Variants in GRM8 observed in about 807,000 individuals in gnomAD.
The protein encoded by GRM8 is metabotropic glutamate receptor 8.
GRM8 carries 47 observed loss-of-function variants against 87.2 expected under a neutral mutation model. The ratio of observed to expected loss-of-function variants is 0.54; its 90% CI spans 0.43 to 0.69. The LOEUF is 0.69. Among genes scored for constraint, GRM8 ranks in the 30% least tolerant of loss-of-function variants. The pLI is 0.00. For synonymous variants in GRM8, 396 were observed against 404.5 expected (o/e 0.98, Z 0.25); for missense variants, 1,019 against 1,139.2 (o/e 0.89, Z 1.52).
chr7:126,719,595 G>C (rs1450612474), intron 7 of GRM8, among the ~76,000 whole-genome samples: 2 of 152,024 alleles, frequency 1.3e-5, no homozygotes, highest in African/African-American at 4.8e-5. Flanking sequence ...ACAATGAAGG[G>C]CCAAGGAACC....
intron 7 of GRM8, among the ~76,000 whole-genome samples, chr7:126,689,911 G>A (rs1259936094): frequency 6.6e-6 from 1 of 152,146 alleles, no homozygotes; most frequent in East Asian, 1.9e-4. Context: ...CGTTCTGGCG[G>A]GGAGGGTCTG....
chr7:127,176,314 T>C (rs183134163), intron 2 of GRM8, among the ~76,000 whole-genome samples: 12 of 152,250 alleles, frequency 7.9e-5, no homozygotes, highest in African/African-American at 9.6e-5. Flanking sequence ...ATGAACATGG[T>C]AGATATTTAT....
At chr7:126,811,190 T>C (rs534486639) in intron 6 of GRM8, among the ~76,000 whole-genome samples, 1 of 152,270 alleles carries the variant, frequency 6.6e-6, no homozygotes, top group African/African-American at 2.4e-5. Flanking sequence ...AGTATGTGGC[T>C]TTATTTCTGG....
At chr7:126,499,708 T>C (rs1454682471) in intron 9 of GRM8, among the ~76,000 whole-genome samples, 1 of 151,900 alleles carries the variant, frequency 6.6e-6, no homozygotes, top group Non-Finnish European at 1.5e-5. Context: ...CTGATCTCAC[T>C]TATGCGTGGA....
chr7:126,639,087 G>T (rs539689664), intron 7 of GRM8, among the ~76,000 whole-genome samples: 2 of 152,264 alleles, frequency 1.3e-5, no homozygotes, highest in Non-Finnish European at 2.9e-5. Flanking sequence ...AACCTAAAAT[G>T]CGTATCTGTC....
At chr7:126,576,092 G>C (rs1043006378) in intron 8 of GRM8, among the ~76,000 whole-genome samples, 3 of 152,050 alleles carry the variant, frequency 2.0e-5, no homozygotes, top group Admixed American at 2.0e-4. Flanking sequence ...TTTAACATCT[G>C]CAAAGTCAAT....
intron 7 of GRM8, among the ~76,000 whole-genome samples, chr7:126,764,626 T>C (rs1817994223): frequency 6.6e-6 from 1 of 152,116 alleles, no homozygotes; most frequent in South Asian, 2.1e-4. Flanking sequence ...TGATAACTTC[T>C]ATCTATGTAC....
intron 2 of GRM8, among the ~76,000 whole-genome samples, chr7:127,161,994 G>A (rs898497759): frequency 6.6e-6 from 1 of 152,152 alleles, no homozygotes; most frequent in African/African-American, 2.4e-5. Context: ...GCTGATCACA[G>A]GGATGTTAGA....
At chr7:126,760,432 T>C (rs1817473054) in intron 7 of GRM8, among the ~76,000 whole-genome samples, 1 of 152,148 alleles carries the variant, frequency 6.6e-6, no homozygotes. Context: ...AATCAGACTT[T>C]GAAAACCCCA....
At chr7:127,169,601 G>A (rs1037776735) in intron 2 of GRM8, among the ~76,000 whole-genome samples, 15 of 151,776 alleles carry the variant, frequency 9.9e-5, no homozygotes, top group African/African-American at 3.4e-4. Context: ...ATTGGAAGAA[G>A]ATTCCATCCA....
chr7:127,205,726 C>T (rs935253380), intron 2 of GRM8, among the ~76,000 whole-genome samples: 1 of 152,164 alleles, frequency 6.6e-6, no homozygotes, highest in African/African-American at 2.4e-5. Flanking sequence ...CAGTTGGTTA[C>T]CTCGGCCCTA....
At chr7:126,563,415 A>G (rs1021082546) in intron 8 of GRM8, among the ~76,000 whole-genome samples, 3 of 152,130 alleles carry the variant, frequency 2.0e-5, no homozygotes, top group African/African-American at 4.8e-5. Context: ...CTGGAAATCC[A>G]GGTAAATCCT....
At chr7:126,655,086 A>G (rs928852196) in intron 7 of GRM8, among the ~76,000 whole-genome samples, 5 of 152,238 alleles carry the variant, frequency 3.3e-5, no homozygotes, top group Admixed American at 1.3e-4. Context: ...TGGATGGTAC[A>G]ACATTGCTTT....
intron 2 of GRM8, among the ~76,000 whole-genome samples, chr7:127,203,784 G>A: frequency 6.6e-6 from 1 of 151,696 alleles, no homozygotes; most frequent in East Asian, 1.9e-4. Flanking sequence ...AAAGGGGGGT[G>A]AGGCGGTGGG....
At chr7:126,977,240 A>T (rs1811084155) in intron 3 of GRM8, among the ~76,000 whole-genome samples, 1 of 152,254 alleles carries the variant, frequency 6.6e-6, no homozygotes, top group South Asian at 2.1e-4. Context: ...GATTTGTTTT[A>T]ACAAAAACAT....
chr7:127,184,539 T>G (rs2116437518), intron 2 of GRM8, among the ~76,000 whole-genome samples: 2 of 152,062 alleles, frequency 1.3e-5, no homozygotes, highest in South Asian at 4.2e-4. Flanking sequence ...CTTCCTTACT[T>G]AATAGTGAGA....
intron 3 of GRM8, among the ~76,000 whole-genome samples, chr7:126,999,471 G>A (rs10260443): frequency 0.42 from 63,426 of 151,396 alleles, 13,375 homozygotes; most frequent in Middle Eastern, 0.52. Flanking sequence ...AATAGGAGAA[G>A]ATATTTATAA....
intron 9 of GRM8, among the ~76,000 whole-genome samples, chr7:126,480,595 CTGTG>C (rs966588226): frequency 3.9e-5 from 6 of 151,962 alleles, no homozygotes; most frequent in Non-Finnish European, 7.4e-5. Flanking sequence ...AAATTTCTCA[CTGTG>C]TGAGAAAGAA....
intron 9 of GRM8, among the ~76,000 whole-genome samples, chr7:126,514,456 A>G (rs1414638400): frequency 6.6e-6 from 1 of 152,150 alleles, no homozygotes; most frequent in Non-Finnish European, 1.5e-5. Context: ...CTGTTTTACT[A>G]TCAGAAAAAT....
Sources: allele counts gnomAD v4.1 joint callset (sites outside exome capture counted in the v4.1 genomes callset), GRCh38; gene constraint gnomAD v4.1.1; transcripts MANE v1.5; gene names NCBI Gene and HGNC (gene_info 2026-07-23, HGNC 2026-07-21).